ARL15: variants seen among roughly 807,000 people sequenced by gnomAD.
ARL15 encodes the protein ADP-ribosylation factor-like protein 15.
A neutral mutation model predicts 25.2 loss-of-function variants in ARL15; 19 were observed. The ratio of observed to expected loss-of-function variants is 0.75; its 90% confidence interval spans 0.53 to 1.10. The LOEUF (loss-of-function observed/expected upper bound fraction) is 1.10. Among genes scored for constraint, ARL15 ranks in the 50% least tolerant of loss-of-function variants. ARL15 has a pLI of 0.00. For synonymous variants in ARL15, 94 were observed against 86.8 expected (o/e 1.08, Z -0.46); for missense variants, 220 against 246.0 (o/e 0.89, Z 0.71).
chr5:54,033,174 G>A (rs533702673), intron 4 of ARL15, among the ~76,000 whole-genome samples: 41 of 151,516 alleles, frequency 2.7e-4, no homozygotes, highest in Admixed American at 6.6e-4. Flanking sequence ...TTCGCTGGGC[G>A]TGGTGGCGCA....
At chr5:54,080,151 T>C (rs1751750197) in intron 4 of ARL15, among the ~76,000 whole-genome samples, 1 of 152,230 alleles carries the variant, frequency 6.6e-6, no homozygotes. Context: ...GGAAGTGTAA[T>C]CACTTTCAAT....
intron 1 of ARL15, among the ~76,000 whole-genome samples, chr5:54,275,307 C>A (rs1023521114): frequency 1.7e-4 from 26 of 152,296 alleles, no homozygotes; most frequent in African/African-American, 6.3e-4. Flanking sequence ...TCCCCAATAT[C>A]CATTCTATAT....
intron 1 of ARL15, among the ~76,000 whole-genome samples, chr5:54,238,774 G>A (rs2112570786): frequency 6.6e-6 from 1 of 152,316 alleles, no homozygotes; most frequent in Middle Eastern, 3.4e-3. Context: ...CTCATTTCAT[G>A]AGCTAAAAAG....
chr5:53,925,036 ATC>A (rs1745972487), intron 4 of ARL15, among the ~76,000 whole-genome samples: 1 of 150,208 alleles, frequency 6.7e-6, no homozygotes, highest in African/African-American at 2.5e-5. Context: ...CTTTAATAAA[ATC>A]TGTTTCCTCC....
At position 54,082,067 on chromosome 5, in the gene ARL15, G is replaced by A. The variant is rs926984021; in HGVS notation, c.462+31135C>T. ...GACTGAGCCACTGCATTCCAGCCTG[G>A]GTAACAAAAAAAAAAGAAAGGAAGG... On this transcript the variant is annotated intron_variant, in intron 4 of 4. Transcript: ENST00000504924. Among the ~76,000 whole-genome samples the A allele has an allele frequency of 9.0e-4, 102 of 113,602 alleles. 1 individual carries two copies. The Admixed American group carries it at 0.01, about 11-fold the overall frequency. The allele number at this position is 113,602 out of a possible 152,430, so 74.5% of individuals were successfully genotyped here.
intron 4 of ARL15, among the ~76,000 whole-genome samples, chr5:54,065,729 G>A (rs1241635764): frequency 6.6e-6 from 1 of 152,020 alleles, no homozygotes; most frequent in Non-Finnish European, 1.5e-5. Flanking sequence ...AAAACAAATT[G>A]AGATGTGCTA....
chr5:54,215,009 A>G (rs1756147722), intron 1 of ARL15, among the ~76,000 whole-genome samples: 2 of 152,136 alleles, frequency 1.3e-5, no homozygotes, highest in East Asian at 3.9e-4. Context: ...ATAGTCACCC[A>G]CATACGTGTT....
At chr5:54,180,821 G>A (rs571705872) in intron 1 of ARL15, among the ~76,000 whole-genome samples, 3 of 152,088 alleles carry the variant, frequency 2.0e-5, no homozygotes, top group Admixed American at 1.3e-4. Flanking sequence ...CTATTAACTC[G>A]TGGCAACAAA....
At chr5:54,262,762 A>C (rs1397367152) in intron 1 of ARL15, among the ~76,000 whole-genome samples, 2 of 152,204 alleles carry the variant, frequency 1.3e-5, no homozygotes, top group East Asian at 3.8e-4. Flanking sequence ...GTTTTATTTA[A>C]TTTCTAAATT....
chr5:54,151,722 T>A (rs4373242), intron 3 of ARL15, among the ~76,000 whole-genome samples: 34,198 of 143,812 alleles, frequency 0.24, 4,302 homozygotes, highest in African/African-American at 0.35. Flanking sequence ...ATATAGTTTG[T>A]CATTAAGATC....
intron 4 of ARL15, among the ~76,000 whole-genome samples, chr5:53,915,055 C>A (rs1241485291): frequency 6.6e-6 from 1 of 152,228 alleles, no homozygotes; most frequent in Non-Finnish European, 1.5e-5. Flanking sequence ...AAGTGATCAA[C>A]CCGCCTTGGC....
At chr5:54,248,026 A>T (rs953299832) in intron 1 of ARL15, among the ~76,000 whole-genome samples, 15 of 151,566 alleles carry the variant, frequency 9.9e-5, no homozygotes, top group African/African-American at 1.9e-4. Flanking sequence ...ATATTTGATT[A>T]AAAAAAAATT....
intron 4 of ARL15, among the ~76,000 whole-genome samples, chr5:54,106,047 G>A (rs1442105516): frequency 1.3e-5 from 2 of 152,120 alleles, no homozygotes; most frequent in Non-Finnish European, 2.9e-5. Flanking sequence ...AAGATGTCCA[G>A]CCAATTTCTA....
chr5:54,290,854 T>C (rs1405152847), intron 1 of ARL15, among the ~76,000 whole-genome samples: 2 of 152,162 alleles, frequency 1.3e-5, no homozygotes, highest in Non-Finnish European at 2.9e-5. Flanking sequence ...ACCTTAGAAA[T>C]CATTGTTTAG....
At chr5:53,935,246 T>C (rs1292367166) in intron 4 of ARL15, among the ~76,000 whole-genome samples, 3 of 152,230 alleles carry the variant, frequency 2.0e-5, no homozygotes, top group Non-Finnish European at 4.4e-5. Context: ...CTTGGATTAC[T>C]TTCCCACTTA....
chr5:53,966,229 G>A (rs887392344), intron 4 of ARL15, among the ~76,000 whole-genome samples: 1 of 152,054 alleles, frequency 6.6e-6, no homozygotes, highest in Non-Finnish European at 1.5e-5. Flanking sequence ...CCGTAATGAA[G>A]CCTCCATAAA....
intron 4 of ARL15, among the ~76,000 whole-genome samples, chr5:54,061,772 G>T (rs1376385478): frequency 6.6e-6 from 1 of 152,110 alleles, no homozygotes; most frequent in Non-Finnish European, 1.5e-5. Flanking sequence ...TGGGCTTGGA[G>T]TCCCCACACA....
chr5:54,069,958 A>T (rs1467025354), intron 4 of ARL15, among the ~76,000 whole-genome samples: 3 of 138,684 alleles, frequency 2.2e-5, no homozygotes, highest in African/African-American at 8.6e-5. Flanking sequence ...TACAGGCGTG[A>T]GCCACCACAC....
At chr5:53,904,830 G>A (rs913605245) in intron 4 of ARL15, among the ~76,000 whole-genome samples, 1 of 145,642 alleles carries the variant, frequency 6.9e-6, no homozygotes, top group African/African-American at 2.5e-5. Context: ...CCGGGTTCAA[G>A]CAATTCTCTG....
Sources: gnomAD v4.1 joint callset for allele counts (sites outside exome capture counted in the v4.1 genomes callset) on GRCh38, gnomAD v4.1.1 for gene constraint, MANE v1.5 for transcripts, NCBI Gene and HGNC (gene_info 2026-07-23, HGNC 2026-07-21) for gene names.